Variants in RNF212B observed in about 807,000 individuals in gnomAD.
RNF212B encodes E3 ubiquitin-protein ligase RNF212B.
RNF212B carries 52 observed loss-of-function variants against 55.5 expected under a neutral mutation model. That is an observed-to-expected ratio of 0.94 (90% CI 0.75 to 1.18). RNF212B has a LOEUF of 1.18. Ranked by LOEUF, RNF212B falls within the 50% of genes most tolerant of loss-of-function variation. The pLI, the probability that RNF212B is intolerant of heterozygous loss-of-function variation, is 0.00. For missense variants in RNF212B, 289 were observed against 350.4 expected (o/e 0.82, Z 1.40); for synonymous variants, 99 against 121.4 (o/e 0.82, Z 1.21).
chr14:23,259,064 C>T (rs1415893802), intron 5 of RNF212B, among the ~76,000 whole-genome samples: 1 of 151,844 alleles, frequency 6.6e-6, no homozygotes, highest in Non-Finnish European at 1.5e-5. Context: ...TGGTGGTTCA[C>T]ACCTGTAGTC....
intron 2 of RNF212B, among the ~76,000 whole-genome samples, chr14:23,228,478 A>C (rs1270224183): frequency 6.6e-6 from 1 of 151,336 alleles, no homozygotes; most frequent in African/African-American, 2.4e-5. Flanking sequence ...AAAAAAAAAA[A>C]AAAAAAAAAT....
chr14:23,217,636 T>C (rs563696997), intron 2 of RNF212B, among the ~76,000 whole-genome samples: 1 of 152,188 alleles, frequency 6.6e-6, no homozygotes, highest in Admixed American at 6.5e-5. Context: ...TGCTTGGTAA[T>C]CCATAGAATT....
At chr14:23,252,148 C>G (rs904310723) in intron 4 of RNF212B, among the ~76,000 whole-genome samples, 1 of 152,090 alleles carries the variant, frequency 6.6e-6, no homozygotes, top group Non-Finnish European at 1.5e-5. Flanking sequence ...TTTGGTTCCC[C>G]TGGCAACAAG....
upstream of RNF212B, among the ~76,000 whole-genome samples, chr14:23,233,679 C>T (rs1443338282): frequency 1.4e-5 from 2 of 145,098 alleles, no homozygotes; most frequent in African/African-American, 5.1e-5. Context: ...GAGGTTGAGG[C>T]TGCAGTGAGC....
At chr14:23,215,967 C>T (rs116409043) in intron 2 of RNF212B, among the ~76,000 whole-genome samples, 1,949 of 152,236 alleles carry the variant, frequency 0.013, 39 homozygotes, top group African/African-American at 0.042. Flanking sequence ...AAACATTTGC[C>T]GGGTGTGGTG....
chr14:23,200,123 T>G (rs866858584), intron 2 of RNF212B, among the ~76,000 whole-genome samples: 2 of 152,232 alleles, frequency 1.3e-5, no homozygotes, highest in Non-Finnish European at 2.9e-5. Flanking sequence ...TAAAGATAAA[T>G]CATGGTAGGA....
chr14:23,203,279 C>T lies in RNF212B; in HGVS notation c.-2+9878C>T, dbSNP rs376510516. Among the ~76,000 whole-genome samples the T allele has an allele frequency of 3.7e-4, 56 of 152,226 alleles. 1 individual carries two copies. The highest frequency in any genetic ancestry group is 2.3e-3 in the South Asian group (11 of 4,820). On this transcript the variant is annotated intron_variant, in intron 2 of 15. Coordinates refer to the RNF212B transcript ENST00000399910. ...GGGCTACTTCACTTACAATAATAGT[C>T]TCCAATCTCATCTACCACAATTTCT...
chr14:23,272,894 C>A lies in RNF212B; in HGVS notation c.*3C>A, dbSNP rs1019673141. The A allele has an allele frequency of 1.3e-6, 2 of 1,514,694 alleles. No individual in the cohort carries two copies. The highest frequency in any genetic ancestry group is 2.4e-5 in the South Asian group (2 of 81,762). 93.8% of individuals were successfully genotyped at this position (1,514,694 alleles called of 1,614,324 possible). ...AAGCATGGACCACTTCTAGATAGAT[C>A]ATCTTCAAGATCTGATCTATACATG... On this transcript the variant is annotated 3_prime_UTR_variant, in exon 15 of 15. Coordinates refer to ENST00000430154, the MANE Select transcript of RNF212B (RefSeq NM_001282322.3).
chr14:23,257,022 G>A lies in RNF212B; in HGVS notation c.229-1527G>A, dbSNP rs1172472509. Among the ~76,000 whole-genome samples the A allele has an allele frequency of 5.3e-5, 8 of 152,042 alleles. No individual in the cohort carries two copies. In the East Asian group the frequency reaches 7.8e-4, roughly 15 times the overall value. ...ACAAATATTAGCCAGGCGTGGTGGC[G>A]GACGCCTGTAATCCCAGCTACTCAG... On this transcript the variant is annotated intron_variant, in intron 4 of 14. Coordinates refer to ENST00000430154, the MANE Select transcript of RNF212B (RefSeq NM_001282322.3).
chr14:23,222,551 AACAT>A (rs1403199785), intron 2 of RNF212B, among the ~76,000 whole-genome samples: 5 of 152,216 alleles, frequency 3.3e-5, no homozygotes, highest in Non-Finnish European at 7.3e-5. Flanking sequence ...AATTCTACCA[AACAT>A]TTAAAGAACT....
chr14:23,199,281 G>A (rs1238528375), intron 2 of RNF212B, among the ~76,000 whole-genome samples: 1 of 152,168 alleles, frequency 6.6e-6, no homozygotes, highest in Non-Finnish European at 1.5e-5. Flanking sequence ...GTCTGGAAAG[G>A]CAGGAAGACT....
At chr14:23,254,229 GA>G (rs1336607112) in intron 4 of RNF212B, among the ~76,000 whole-genome samples, 1 of 151,124 alleles carries the variant, frequency 6.6e-6, no homozygotes, top group African/African-American at 2.4e-5. Context: ...AGCCTGCAGT[GA>G]ACTGTGAACA....
chr14:23,260,508 G>A, intron 6 of RNF212B, 151 bp from the exon 7 acceptor site: 2 of 696,392 alleles, frequency 2.9e-6, no homozygotes. Flanking sequence ...ATATCCTAAG[G>A]AAATACTGCT....
At chr14:23,237,912 C>T (rs1017298784), upstream of RNF212B, among the ~76,000 whole-genome samples, 1 of 152,224 alleles carries the variant, frequency 6.6e-6, no homozygotes, top group African/African-American at 2.4e-5. Flanking sequence ...CCACACCTCT[C>T]ACACCGCCTC....
At chr14:23,260,903 C>T (rs1397148195) in intron 7 of RNF212B, among the ~76,000 whole-genome samples, 1 of 152,222 alleles carries the variant, frequency 6.6e-6, no homozygotes, top group African/African-American at 2.4e-5. Flanking sequence ...GTTTGAAATG[C>T]TTGTTCCCTG....
chr14:23,215,685 GAA>G (rs924958071), intron 2 of RNF212B, among the ~76,000 whole-genome samples: 1 of 152,096 alleles, frequency 6.6e-6, no homozygotes, highest in African/African-American at 2.4e-5. Context: ...GGAAAACTAA[GAA>G]AAGGGGTCAT....
At chr14:23,242,106 AAG>A (rs1348987806) in intron 2 of RNF212B, among the ~76,000 whole-genome samples, 2 of 125,952 alleles carry the variant, frequency 1.6e-5, no homozygotes, top group Non-Finnish European at 3.5e-5. Context: ...AAAAAAAAAA[AAG>A]AAAAGAAAAA....
chr14:23,187,543 G>A (rs377178798), intron 1 of RNF212B, among the ~76,000 whole-genome samples: 8 of 152,146 alleles, frequency 5.3e-5, no homozygotes, highest in East Asian at 1.9e-4. Context: ...CAAGTTAGAC[G>A]TGTCTGCTAA....
intron 4 of RNF212B, among the ~76,000 whole-genome samples, chr14:23,251,613 C>A (rs1169706913): frequency 1.3e-5 from 2 of 152,070 alleles, no homozygotes; most frequent in African/African-American, 4.8e-5. Flanking sequence ...GTCAGGAGTT[C>A]GAGACCAGCC....
Sources: allele counts gnomAD v4.1 joint callset (sites outside exome capture counted in the v4.1 genomes callset), GRCh38; gene constraint gnomAD v4.1.1; transcripts MANE v1.5; gene names NCBI Gene and HGNC (gene_info 2026-07-23, HGNC 2026-07-21).